TRIO: variants seen among roughly 807,000 people sequenced by gnomAD.
The protein encoded by TRIO is triple functional domain protein.
A neutral mutation model predicts 351.9 loss-of-function variants in TRIO; 58 were observed. The observed-to-expected ratio is 0.16, with a 90% CI of 0.13 to 0.21. The LOEUF is 0.21. TRIO is among the 10% of genes least tolerant of loss of function. The probability of loss-of-function intolerance (pLI) is 1.00; values close to 1 mark genes in which losing one functional copy is unlikely to be tolerated. For missense variants in TRIO, 3,201 were observed against 4,027.8 expected, an observed-to-expected ratio of 0.79 and a Z score of 5.56; for synonymous variants, 1,758 against 1,595.7, an observed-to-expected ratio of 1.10 and a Z score of -2.42.
At chr5:14,315,502 C>T (rs904558251) in intron 8 of TRIO, among the ~76,000 whole-genome samples, 9 of 152,080 alleles carry the variant, frequency 5.9e-5, no homozygotes, top group African/African-American at 1.9e-4. Context: ...CCGCCTGCCT[C>T]GGCCTCCCAA....
chr5:14,496,737 A>G, intron 49 of TRIO, 142 bp from the exon 50 acceptor site: 9 of 1,078,126 alleles, frequency 8.3e-6, no homozygotes, highest in Non-Finnish European at 1.2e-5. Context: ...CATTTTCTCT[A>G]ACAGAGGTCA....
chr5:14,268,097 TG>T (rs912078679), intron 1 of TRIO, among the ~76,000 whole-genome samples: 7 of 152,160 alleles, frequency 4.6e-5, no homozygotes, highest in African/African-American at 7.2e-5. Context: ...TTCCTTAATT[TG>T]GGGGGAAACT....
rs759709228 is a variant in TRIO at position 14,461,337 on chromosome 5, C to T, written c.5496+26C>T. 22 of 1,511,096 alleles carry T rather than the reference C, an allele frequency of 1.5e-5. No individual in the cohort carries two copies. In the Admixed American group the frequency reaches 2.5e-4, roughly 17 times the overall value. 93.6% of individuals were successfully genotyped at this position (1,511,096 alleles called of 1,614,324 possible). On this transcript the variant is annotated intron_variant, in intron 35 of 56. Coordinates refer to ENST00000344204, the MANE Select transcript of TRIO (RefSeq NM_007118.4). The stretch of plus-strand genomic sequence containing the variant: ...GTGAGGCTCTGCCCGCTGGTTGGGG[C>T]CGGCGTGGCGGGGCCCGCTGGGCTT...
chr5:14,496,684 A>G (rs560600221), intron 49 of TRIO, among the ~76,000 whole-genome samples, 195 bp from the exon 50 acceptor site: 1 of 152,278 alleles, frequency 6.6e-6, no homozygotes, highest in Non-Finnish European at 1.5e-5. Context: ...CTCAAACTTT[A>G]AGAGATTGTT....
chr5:14,335,790 C>G (rs1167699791), intron 10 of TRIO, among the ~76,000 whole-genome samples: 1 of 151,962 alleles, frequency 6.6e-6, no homozygotes, highest in Non-Finnish European at 1.5e-5. Context: ...CATTGCAAAC[C>G]CCCATCTCTC....
intron 1 of TRIO, among the ~76,000 whole-genome samples, chr5:14,225,455 A>G (rs996522553): frequency 6.6e-6 from 1 of 152,100 alleles, no homozygotes; most frequent in African/African-American, 2.4e-5. Flanking sequence ...CTGCATTTCC[A>G]TCTGAAGCTT....
At chr5:14,215,613 A>G (rs1044327457) in intron 1 of TRIO, among the ~76,000 whole-genome samples, 1 of 152,206 alleles carries the variant, frequency 6.6e-6, no homozygotes, top group Non-Finnish European at 1.5e-5. Context: ...TGATTCCACA[A>G]AGTTTGAGAT....
intron 35 of TRIO, among the ~76,000 whole-genome samples, chr5:14,461,588 C>T (rs1468823949): frequency 6.6e-6 from 1 of 152,178 alleles, no homozygotes; most frequent in African/African-American, 2.4e-5. Flanking sequence ...CCCAGTCAGC[C>T]CCCAGGCCTG....
rs1489638608 is a variant in TRIO, at chr5:14,497,978, G to A, written c.8047+104G>A. 16 of 1,608,976 alleles carry A rather than the reference G, an allele frequency of 9.9e-6. No homozygotes were observed. The highest frequency in any genetic ancestry group is 5.5e-5 in the South Asian group (5 of 90,922). ...CCTCTGGAAATGAGTTTTCCGTGGC[G>A]CTCTAGGCGTGCATAGCAGGTTAGG... On this transcript the variant is annotated intron_variant, in intron 51 of 56. Transcript: ENST00000344204. The surrounding 1 kb of genome is among the most constrained non-coding windows in gnomAD (Gnocchi z 4.4).
intron 34 of TRIO, among the ~76,000 whole-genome samples, chr5:14,454,320 C>T (rs1753079215): frequency 1.3e-5 from 2 of 152,208 alleles, no homozygotes; most frequent in Non-Finnish European, 2.9e-5. Flanking sequence ...TTCACGTACA[C>T]TTAGTCTGGA....
intron 1 of TRIO, among the ~76,000 whole-genome samples, chr5:14,232,325 C>G (rs560120577): frequency 6.6e-6 from 1 of 152,194 alleles, no homozygotes; most frequent in African/African-American, 2.4e-5. Context: ...CCAACCCCTC[C>G]CATTAAATTC....
At chr5:14,462,695 C>T in intron 35 of TRIO, 60 bp from the exon 36 acceptor site, 4 of 1,598,112 alleles carry the variant, frequency 2.5e-6, no homozygotes, top group East Asian at 2.3e-5. Flanking sequence ...CCAAGTAACC[C>T]TTGGTCCACG....
chr5:14,285,364 G>A (rs149493721), intron 3 of TRIO, among the ~76,000 whole-genome samples: 10 of 152,034 alleles, frequency 6.6e-5, no homozygotes, highest in African/African-American at 2.4e-4. Flanking sequence ...CTTCTGATTG[G>A]GTCCTACTGC....
At chr5:14,280,480 C>T in intron 3 of TRIO, 44 bp downstream of exon 3, 2 of 1,510,740 alleles carry the variant, frequency 1.3e-6, no homozygotes, top group South Asian at 2.2e-5. Flanking sequence ...GTCACATTTA[C>T]AAGAGATGTG....
At chr5:14,273,637 A>G (rs1457173692) in intron 2 of TRIO, among the ~76,000 whole-genome samples, 3 of 152,220 alleles carry the variant, frequency 2.0e-5, no homozygotes, top group South Asian at 4.1e-4. Context: ...CCCTTCAGCC[A>G]TATGAGGACG....
At chr5:14,460,850 A>G (rs1252197626) in intron 34 of TRIO, among the ~76,000 whole-genome samples, 169 bp from the exon 35 acceptor site, 1 of 152,202 alleles carries the variant, frequency 6.6e-6, no homozygotes, top group East Asian at 1.9e-4. Context: ...ATTTGAGAAG[A>G]GAGTGCGTGT....
Position 14,203,747 on chromosome 5 carries a change from G to C in TRIO, c.157+59865G>C, listed in dbSNP as rs189673705. ...TGTACAAGGGGGCCTCGCTCCCCTG[G>C]CAGTCACCTGCCCCTTGCTAGGTGC... On this transcript the variant is annotated intron_variant, in intron 1 of 56. Transcript: ENST00000344204. Among the ~76,000 whole-genome samples the C allele has an allele frequency of 6.6e-5, 10 of 152,260 alleles. No individual in the cohort carries two copies. The East Asian group carries it at 1.9e-3, about 30-fold the overall frequency.
At chr5:14,473,061 A>T (rs956237379) in intron 39 of TRIO, among the ~76,000 whole-genome samples, 1 of 152,190 alleles carries the variant, frequency 6.6e-6, no homozygotes, top group Non-Finnish European at 1.5e-5. Flanking sequence ...GTTCGGTTCC[A>T]TCCTGAATCC....
At chr5:14,284,529 G>A (rs981023050) in intron 3 of TRIO, among the ~76,000 whole-genome samples, 2 of 152,208 alleles carry the variant, frequency 1.3e-5, no homozygotes, top group African/African-American at 2.4e-5. Context: ...AGAGGAAGGC[G>A]AATAGTTAAT....
Sources: allele counts gnomAD v4.1 joint callset (sites outside exome capture counted in the v4.1 genomes callset), GRCh38; gene constraint gnomAD v4.1.1; non-coding constraint Gnocchi (gnomAD v3.1); transcripts MANE v1.5; gene names NCBI Gene and HGNC (gene_info 2026-07-23, HGNC 2026-07-21).